The following HOGA1 variants were observed in gnomAD, a reference collection of about 807,000 sequenced individuals.
The protein encoded by HOGA1 is 4-hydroxy-2-oxoglutarate aldolase, mitochondrial.
HOGA1 carries 30 observed loss-of-function variants against 34.3 expected under a neutral mutation model. That is an observed-to-expected ratio of 0.87 (90% CI 0.65 to 1.19). HOGA1 has a LOEUF of 1.19. Ranked by LOEUF, HOGA1 falls within the 50% of genes most tolerant of loss-of-function variation. The pLI, the probability that HOGA1 is intolerant of heterozygous loss-of-function variation, is 0.00. For synonymous variants in HOGA1, 161 were observed against 174.0 expected (o/e 0.93, Z 0.59); for missense variants, 417 against 436.5 (o/e 0.96, Z 0.40).
At chr10:97,607,593 G>C (rs1434491362) in intron 6 of HOGA1, among the ~76,000 whole-genome samples, 1 of 152,114 alleles carries the variant, frequency 6.6e-6, no homozygotes, top group Non-Finnish European at 1.5e-5. Context: ...TGGGTCTCTA[G>C]GTCCCTTGTT....
chr10:97,588,189 T>C (rs2040985967), intron 1 of HOGA1, among the ~76,000 whole-genome samples: 1 of 142,914 alleles, frequency 7.0e-6, no homozygotes. Flanking sequence ...ATTCTTTTTG[T>C]TTTTTCTTTC....
chr10:97,611,216 C>G (rs141715121), intron 6 of HOGA1, among the ~76,000 whole-genome samples: 2 of 152,212 alleles, frequency 1.3e-5, no homozygotes, highest in African/African-American at 4.8e-5. Flanking sequence ...CTTCTCCCAC[C>G]CCAGCTTGAG....
rs2041198353 is a variant in HOGA1 at position 97,611,793 on chromosome 10, G to A, written c.*134G>A. The A allele has an allele frequency of 3.7e-6, 4 of 1,090,124 alleles. No individual in the cohort carries two copies. 67.5% of individuals were successfully genotyped at this position (1,090,124 alleles called of 1,614,324 possible). Reference sequence around the variant, plus strand: ...CGATAGAGGCTCCTTTGCCTGCTGTGGTCCTCCAGGCAGCCTTTCACAGGC... The same window carrying A: ...CGATAGAGGCTCCTTTGCCTGCTGTAGTCCTCCAGGCAGCCTTTCACAGGC... On this transcript the variant is annotated 3_prime_UTR_variant, in exon 7 of 7. Transcript: ENST00000370646.
intron 1 of HOGA1, chr10:97,590,385 T>A: frequency 6.2e-7 from 1 of 1,614,048 alleles, no homozygotes; most frequent in Non-Finnish European, 8.5e-7. Flanking sequence ...TCCAAGGACA[T>A]CAACCAGGAG....
Position 97,611,711 on chromosome 10 carries a change from C to T in HOGA1, c.*52C>T, listed in dbSNP as rs777598450. On this transcript the variant is annotated 3_prime_UTR_variant, in exon 7 of 7. Transcript: ENST00000370646. Reference sequence around the variant, plus strand: ...GAGCCCATCTCAGCCTCCTGCCTTGCACTTGCAGCCTGAAGCGGAGAGCAC... The same window carrying T: ...GAGCCCATCTCAGCCTCCTGCCTTGTACTTGCAGCCTGAAGCGGAGAGCAC... 5.1e-6 allele frequency: 8 copies of T among 1,579,858 alleles called. No homozygotes were observed. In the East Asian group the frequency reaches 1.4e-4, roughly 27 times the overall value.
intron 1 of HOGA1, chr10:97,589,923 G>A (rs751546544): frequency 1.2e-6 from 2 of 1,613,456 alleles, no homozygotes; most frequent in Non-Finnish European, 1.7e-6. Context: ...AGAAAGAGGA[G>A]AAGAAAGGAA....
At chr10:97,588,190 T>G (rs1399143683) in intron 1 of HOGA1, among the ~76,000 whole-genome samples, 1 of 141,812 alleles carries the variant, frequency 7.1e-6, no homozygotes, top group African/African-American at 2.5e-5. Flanking sequence ...TTCTTTTTGT[T>G]TTTTCTTTCT....
At chr10:97,595,090 T>C (rs1465796961) in intron 1 of HOGA1, among the ~76,000 whole-genome samples, 4 of 152,114 alleles carry the variant, frequency 2.6e-5, no homozygotes, top group Non-Finnish European at 2.9e-5. Flanking sequence ...TGCTTATGTG[T>C]CCCCAGCCCC....
chr10:97,596,242 C>T (rs1177187189), intron 1 of HOGA1, among the ~76,000 whole-genome samples: 1 of 152,146 alleles, frequency 6.6e-6, no homozygotes, highest in Non-Finnish European at 1.5e-5. Flanking sequence ...GCTTTGAGCA[C>T]AGTGTCTGCT....
At chr10:97,598,004 T>A (rs115330597) in intron 1 of HOGA1, among the ~76,000 whole-genome samples, 3,277 of 152,326 alleles carry the variant, frequency 0.022, 117 homozygotes, top group African/African-American at 0.075. Flanking sequence ...TAGCTATGAC[T>A]CAGCAATTAA....
intron 1 of HOGA1, among the ~76,000 whole-genome samples, chr10:97,586,950 C>T (rs796247721): frequency 5.9e-5 from 9 of 152,324 alleles, no homozygotes; most frequent in African/African-American, 2.2e-4. Flanking sequence ...AAGAATCCTG[C>T]CACTTCTGCC....
intron 1 of HOGA1, among the ~76,000 whole-genome samples, chr10:97,594,192 T>C (rs2041050996): frequency 8.4e-6 from 1 of 118,784 alleles, no homozygotes; most frequent in African/African-American, 3.0e-5. Context: ...TTTTTTTTTT[T>C]TGAGACAGAG....
intron 1 of HOGA1, among the ~76,000 whole-genome samples, chr10:97,586,858 C>T (rs1378511509): frequency 6.6e-6 from 1 of 152,206 alleles, no homozygotes; most frequent in Non-Finnish European, 1.5e-5. Context: ...CTCCAGCTCC[C>T]ATCTGATCAC....
chr10:97,602,985 C>T (rs975226741), intron 6 of HOGA1, among the ~76,000 whole-genome samples: 5 of 151,876 alleles, frequency 3.3e-5, no homozygotes, highest in African/African-American at 7.3e-5. Context: ...AGCCACAGTG[C>T]CCGGCCTATT....
intron 1 of HOGA1, among the ~76,000 whole-genome samples, chr10:97,596,136 C>T (rs1276357795): frequency 6.6e-6 from 1 of 152,206 alleles, no homozygotes; most frequent in Non-Finnish European, 1.5e-5. Context: ...ACGCCACACT[C>T]CCTCTTCTCC....
chr10:97,585,759 G>C (rs2040965372), intron 1 of HOGA1, among the ~76,000 whole-genome samples: 1 of 152,206 alleles, frequency 6.6e-6, no homozygotes, highest in Non-Finnish European at 1.5e-5. Context: ...CTTTGGAGCT[G>C]CTAGGCCACA....
In HOGA1 at chr10:97,606,057, G is replaced by T. The variant is rs1487037005; in HGVS notation, c.834+4067G>T. 2.0e-5 allele frequency among the ~76,000 whole-genome samples: 3 copies of T among 150,996 alleles called. No individual in the cohort carries two copies. In the East Asian group the frequency reaches 5.8e-4, roughly 29 times the overall value. On this transcript the variant is annotated intron_variant, in intron 6 of 6. Coordinates refer to ENST00000370646, the MANE Select transcript of HOGA1 (RefSeq NM_138413.4). Reference sequence around the variant, plus strand: ...CCCAGCACTTTGGGAGGCCGAGGTGGGTGGATCACGAGGTCAGGAGTTCAA... The same window carrying T: ...CCCAGCACTTTGGGAGGCCGAGGTGTGTGGATCACGAGGTCAGGAGTTCAA...
chr10:97,587,739 C>A (rs4570517), intron 1 of HOGA1, among the ~76,000 whole-genome samples: 32,064 of 152,094 alleles, frequency 0.21, 3,877 homozygotes, highest in Non-Finnish European at 0.27. Context: ...AACTCCTGAC[C>A]TCACGGTCCG....
At chr10:97,599,651 C>G (rs761329842) in intron 3 of HOGA1, 29 bp from the exon 4 acceptor site, 1 of 1,613,372 alleles carries the variant, frequency 6.2e-7, no homozygotes, top group Admixed American at 1.7e-5. Flanking sequence ...GCTGCCCTCT[C>G]CTGCTTTTCT....
Sources: allele counts gnomAD v4.1 joint callset (sites outside exome capture counted in the v4.1 genomes callset), GRCh38; gene constraint gnomAD v4.1.1; transcripts MANE v1.5; gene names NCBI Gene and HGNC (gene_info 2026-07-23, HGNC 2026-07-21).